CNTN4: variants seen among roughly 807,000 people sequenced by gnomAD.
The protein encoded by CNTN4 is contactin 4, also known as contactin-4.
A neutral mutation model predicts 122.5 loss-of-function variants in CNTN4; 77 were observed. The ratio of observed to expected loss-of-function variants is 0.63; its 90% CI spans 0.52 to 0.76. CNTN4 has a LOEUF of 0.76. Among genes scored for constraint, CNTN4 ranks in the 30% least tolerant of loss-of-function variants. CNTN4 has a pLI of 0.00. For missense variants in CNTN4, 1,256 were observed against 1,259.1 expected, an observed-to-expected ratio of 1.00 and a Z score of 0.04; for synonymous variants, 512 against 447.0, an observed-to-expected ratio of 1.15 and a Z score of -1.83.
At chr3:2,712,203 T>C (rs1207585613) in intron 4 of CNTN4, among the ~76,000 whole-genome samples, 3 of 152,174 alleles carry the variant, frequency 2.0e-5, no homozygotes, top group African/African-American at 7.2e-5. Flanking sequence ...TTGCAAAAAC[T>C]TGGAAGGGAA....
At chr3:2,901,835 G>A (rs548959094) in intron 11 of CNTN4, among the ~76,000 whole-genome samples, 6 of 152,164 alleles carry the variant, frequency 3.9e-5, no homozygotes, top group Non-Finnish European at 7.4e-5. Context: ...GGAATTAGGT[G>A]GGGGTACAGA....
At chr3:2,225,210 C>T (rs2039231996) in intron 2 of CNTN4, among the ~76,000 whole-genome samples, 1 of 149,856 alleles carries the variant, frequency 6.7e-6, no homozygotes, top group Non-Finnish European at 1.5e-5. Context: ...ATGCTCAGTG[C>T]AATTGCTTTA....
At chr3:2,192,097 T>C (rs1380844984) in intron 2 of CNTN4, among the ~76,000 whole-genome samples, 6 of 151,916 alleles carry the variant, frequency 3.9e-5, no homozygotes, top group Non-Finnish European at 8.8e-5. Flanking sequence ...CCATGGTGTA[T>C]ATGTCCCACA....
At chr3:2,778,066 T>G (rs983940904) in intron 6 of CNTN4, among the ~76,000 whole-genome samples, 16 of 148,636 alleles carry the variant, frequency 1.1e-4, no homozygotes, top group Non-Finnish European at 1.9e-4. Context: ...TACAAAAAAT[T>G]AGCCGGGCGT....
At chr3:2,455,424 G>C (rs1330737383) in intron 3 of CNTN4, among the ~76,000 whole-genome samples, 1 of 152,064 alleles carries the variant, frequency 6.6e-6, no homozygotes, top group Non-Finnish European at 1.5e-5. Context: ...ACAGCAAAAA[G>C]AAGAGAGTTA....
intron 2 of CNTN4, among the ~76,000 whole-genome samples, chr3:2,315,571 G>T (rs2043069881): frequency 2.0e-5 from 3 of 151,798 alleles, no homozygotes; most frequent in Admixed American, 2.0e-4. Flanking sequence ...AAATAAGACT[G>T]TTATAATCAG....
At chr3:2,312,585 T>C (rs2042953101) in intron 2 of CNTN4, among the ~76,000 whole-genome samples, 1 of 152,092 alleles carries the variant, frequency 6.6e-6, no homozygotes. Context: ...CATGCCTCTC[T>C]ATGTGACATC....
intron 6 of CNTN4, among the ~76,000 whole-genome samples, chr3:2,746,043 C>T (rs2089739155): frequency 2.0e-5 from 3 of 152,128 alleles, no homozygotes; most frequent in Admixed American, 6.5e-5. Context: ...CACACACACA[C>T]ATTTTAAATA....
intron 6 of CNTN4, among the ~76,000 whole-genome samples, chr3:2,781,940 G>A (rs369212829): frequency 7.4e-5 from 11 of 147,814 alleles, no homozygotes; most frequent in African/African-American, 2.8e-4. Flanking sequence ...AGCCAGGATG[G>A]TCTCGATCTC....
In CNTN4 at chr3:3,003,386, A is replaced by G. The variant is rs539081450; in HGVS notation, c.1486+14914A>G. Reference sequence around the variant, plus strand: ...GATAAACCAAATGTGGTGTATCCATACAATGGACTATTATTCAGTCATTAA... The same window carrying G: ...GATAAACCAAATGTGGTGTATCCATGCAATGGACTATTATTCAGTCATTAA... On this transcript the variant is annotated intron_variant, in intron 14 of 24. Transcript: ENST00000418658. 2.0e-5 allele frequency among the ~76,000 whole-genome samples: 3 copies of G among 152,324 alleles called. No homozygotes were observed. In the East Asian group the frequency reaches 5.8e-4, roughly 29 times the overall value.
In CNTN4 at chr3:2,518,885, A is replaced by C. The variant is rs561028146; in HGVS notation, c.-88-52531A>C. On this transcript the variant is annotated intron_variant, in intron 3 of 24. Transcript: ENST00000418658. ...TACAGATTTTTCACATTTACATGGG[A>C]GCCGCCACAGGAAAATGAAGACCCA... Among the ~76,000 whole-genome samples, 32 of 152,236 alleles carry C rather than the reference A, an allele frequency of 2.1e-4. 1 individual carries two copies. The South Asian group carries it at 2.9e-3, about 14-fold the overall frequency.
At chr3:3,038,898 G>C in intron 18 of CNTN4, 35 bp from the exon 19 acceptor site, 2 of 1,601,896 alleles carry the variant, frequency 1.2e-6, no homozygotes, top group Non-Finnish European at 1.7e-6. Flanking sequence ...CGCCTTTGCC[G>C]CCTGACATAA....
intron 2 of CNTN4, among the ~76,000 whole-genome samples, chr3:2,233,631 A>G (rs531662920): frequency 6.6e-6 from 1 of 152,206 alleles, no homozygotes; most frequent in Middle Eastern, 3.4e-3. Flanking sequence ...TCTTGGTGCT[A>G]ATTTCAGTGT....
chr3:2,469,400 C>A (rs1282098165), intron 3 of CNTN4, among the ~76,000 whole-genome samples: 1 of 152,182 alleles, frequency 6.6e-6, no homozygotes, highest in Non-Finnish European at 1.5e-5. Flanking sequence ...CATTCTGTCC[C>A]ATGTTAATTC....
At chr3:2,806,907 T>C (rs969223582) in intron 6 of CNTN4, among the ~76,000 whole-genome samples, 8 of 152,128 alleles carry the variant, frequency 5.3e-5, no homozygotes, top group Non-Finnish European at 1.0e-4. Flanking sequence ...TATTACTTCT[T>C]CTTTTCAAAT....
At position 2,170,189 on chromosome 3, in the gene CNTN4, C is replaced by T. The variant is rs563705843; in HGVS notation, c.-145+69550C>T. Among the ~76,000 whole-genome samples, 33 of 149,434 alleles carry T rather than the reference C, an allele frequency of 2.2e-4. No homozygotes were observed. The East Asian group carries it at 6.1e-3, about 28-fold the overall frequency. Reference sequence around the variant, plus strand: ...ACAAAAAATTAGCCGGGCGTGGTGGCGGCGCCTGTAGTCCCAGCTACTCGG... The same window carrying T: ...ACAAAAAATTAGCCGGGCGTGGTGGTGGCGCCTGTAGTCCCAGCTACTCGG... On this transcript the variant is annotated intron_variant, in intron 2 of 24. Transcript: ENST00000418658.
chr3:2,614,430 A>T (rs2081625728), intron 4 of CNTN4, among the ~76,000 whole-genome samples: 1 of 152,216 alleles, frequency 6.6e-6, no homozygotes, highest in Admixed American at 6.5e-5. Flanking sequence ...ACAAGGTAAC[A>T]TACTGGATAA....
intron 3 of CNTN4, among the ~76,000 whole-genome samples, chr3:2,554,494 A>AT (rs1263485848): frequency 1.3e-5 from 2 of 152,114 alleles, no homozygotes; most frequent in Non-Finnish European, 2.9e-5. Context: ...AGGCCAGCTG[A>AT]TTTTGTTATA....
At chr3:2,120,813 A>G (rs2033725375) in intron 2 of CNTN4, among the ~76,000 whole-genome samples, 1 of 151,698 alleles carries the variant, frequency 6.6e-6, no homozygotes, top group Non-Finnish European at 1.5e-5. Context: ...AATACTGTCT[A>G]AGTGAATTTT....
Sources: allele counts gnomAD v4.1 joint callset (sites outside exome capture counted in the v4.1 genomes callset), GRCh38; gene constraint gnomAD v4.1.1; transcripts MANE v1.5; gene names NCBI Gene and HGNC (gene_info 2026-07-23, HGNC 2026-07-21).